The following GNAQ variants were observed in gnomAD, a reference collection of about 807,000 sequenced individuals.
GNAQ encodes the protein guanine nucleotide-binding protein G(q) subunit alpha.
In GNAQ, 8 loss-of-function variants were observed where a neutral mutation model predicts 43.9. The ratio of observed to expected loss-of-function variants is 0.18; its 90% CI spans 0.11 to 0.33. The LOEUF (loss-of-function observed/expected upper bound fraction) is 0.33. Among genes scored for constraint, GNAQ ranks in the 10% least tolerant of loss-of-function variants. The pLI is 1.00. For missense variants in GNAQ, 158 were observed against 450.8 expected (o/e 0.35, Z 5.88); for synonymous variants, 155 against 170.7 (o/e 0.91, Z 0.71).
intron 5 of GNAQ, among the ~76,000 whole-genome samples, chr9:77,760,975 C>T (rs536122121): frequency 2.0e-5 from 3 of 151,700 alleles, no homozygotes; most frequent in East Asian, 3.9e-4. Context: ...GCCTGGCAAC[C>T]GCCCCGTCTG....
intron 2 of GNAQ, among the ~76,000 whole-genome samples, chr9:77,833,733 A>C (rs1333771763): frequency 6.6e-6 from 1 of 152,154 alleles, no homozygotes; most frequent in East Asian, 1.9e-4. Context: ...CTCTCTAGGA[A>C]ATTAGTCTGG....
chr9:77,954,476 A>G (rs1168917262), intron 1 of GNAQ, among the ~76,000 whole-genome samples: 1 of 152,220 alleles, frequency 6.6e-6, no homozygotes, highest in Non-Finnish European at 1.5e-5. Context: ...TTGATGCTTG[A>G]TAAAACAGGA....
At position 78,031,141 on chromosome 9, in the gene GNAQ, T is replaced by G; in HGVS notation, c.95A>C (p.Asp32Ala). Residue 32 changes from aspartate to alanine, a missense_variant, in exon 1 of 7, where the codon GAC (aspartate) becomes GCC (alanine). By Grantham distance (126) the Asp-to-Ala change is moderately radical (BLOSUM62 -2). Coordinates refer to ENST00000286548, the MANE Select transcript of GNAQ (RefSeq NM_002072.5). ...GAGCTCCCGGCGGGCGTCCCGCTTG[T>G]CCCTGCGGAGCTGCCGCTCGATCTC... ...NDEIERQLRR[D>A]KRDARRELKL... 1.9e-6 allele frequency: 3 copies of G among 1,541,654 alleles called. No individual in the cohort carries two copies. Among genetic ancestry groups the G allele is most frequent in the Non-Finnish European group, 2.6e-6 (3 of 1,144,928 alleles).
At position 77,939,573 on chromosome 9, in the gene GNAQ, T is replaced by A. The variant is rs368187008; in HGVS notation, c.137-17228A>T. On this transcript the variant is annotated intron_variant, in intron 1 of 6. Transcript: ENST00000286548. ...TAAGTTCCCCCCTTTTCTCTCCCAA[T>A]TCATCTCCAGAAATGAATAATACAG... Among the ~76,000 whole-genome samples the A allele has an allele frequency of 6.2e-4, 95 of 152,240 alleles. 1 individual carries two copies. The South Asian group carries it at 0.019, about 30-fold the overall frequency.
At chr9:78,026,951 T>C (rs899482493) in intron 1 of GNAQ, among the ~76,000 whole-genome samples, 10 of 152,158 alleles carry the variant, frequency 6.6e-5, no homozygotes, top group Admixed American at 3.9e-4. Flanking sequence ...CTCTACAGAG[T>C]ATTAAAAATT....
Position 77,792,163 on chromosome 9 carries a change from T to C in GNAQ, c.735+2300A>G, listed in dbSNP as rs571173889. Among the ~76,000 whole-genome samples the C allele has an allele frequency of 9.8e-5, 15 of 152,294 alleles. No homozygotes were observed. In the South Asian group the frequency reaches 2.9e-3, roughly 29 times the overall value. On this transcript the variant is annotated intron_variant, in intron 5 of 6. Coordinates refer to ENST00000286548, the MANE Select transcript of GNAQ (RefSeq NM_002072.5). ...GAACAGCACTTTTCTCATGATCCCA[T>C]ACTATCATCAGGCTTGACTAGAGGT... is the stretch of plus-strand genomic sequence containing the variant.
intron 1 of GNAQ, among the ~76,000 whole-genome samples, chr9:78,029,332 A>C (rs144808511): frequency 1.7e-3 from 266 of 152,012 alleles, no homozygotes; most frequent in African/African-American, 6.1e-3. Flanking sequence ...TCTCTCTAAA[A>C]TACGTGCGTT....
intron 5 of GNAQ, among the ~76,000 whole-genome samples, chr9:77,760,820 G>A (rs1420310308): frequency 1.3e-5 from 2 of 151,088 alleles, no homozygotes; most frequent in African/African-American, 4.9e-5. Context: ...CTGCCCAGCC[G>A]CCCATCGTCT....
intron 5 of GNAQ, among the ~76,000 whole-genome samples, chr9:77,747,525 A>T (rs907783980): frequency 6.6e-6 from 1 of 152,206 alleles, no homozygotes; most frequent in Non-Finnish European, 1.5e-5. Context: ...AGCTTTAGTT[A>T]TTACCATTTT....
rs1181651753 is a variant in GNAQ, at chr9:77,769,118, C to T, written c.735+25345G>A. Among the ~76,000 whole-genome samples the T allele has an allele frequency of 2.6e-5, 4 of 152,134 alleles. No homozygotes were observed. In the East Asian group the frequency reaches 5.8e-4, roughly 22 times the overall value. ...CTAAACAACTGTTAGAAAAACAAAT[C>T]GGCCTGGTGCGGTGACTGCTGCCTG... is the stretch of plus-strand genomic sequence containing the variant. On this transcript the variant is annotated intron_variant, in intron 5 of 6. Transcript: ENST00000286548.
chr9:77,842,590 G>A (rs761354202), intron 2 of GNAQ, among the ~76,000 whole-genome samples: 5 of 152,148 alleles, frequency 3.3e-5, no homozygotes, highest in Non-Finnish European at 7.4e-5. Context: ...AGACAGAATC[G>A]TGGAGAAACA....
At chr9:77,763,193 C>CT (rs1425593877) in intron 5 of GNAQ, among the ~76,000 whole-genome samples, 1 of 148,066 alleles carries the variant, frequency 6.8e-6, no homozygotes, top group Admixed American at 6.7e-5. Context: ...CAGGAACTGG[C>CT]TGGAAAAATT....
chr9:77,787,900 C>T (rs1826508056), intron 5 of GNAQ, among the ~76,000 whole-genome samples: 2 of 152,036 alleles, frequency 1.3e-5, no homozygotes, highest in South Asian at 2.1e-4. Flanking sequence ...CATGGTGGCG[C>T]GTGCCTGTAA....
rs948550842 is a variant in GNAQ at position 77,963,140 on chromosome 9, G to C, written c.137-40795C>G. Among the ~76,000 whole-genome samples, 3 of 152,040 alleles carry C rather than the reference G, an allele frequency of 2.0e-5. No homozygotes were observed. In the South Asian group the frequency reaches 6.2e-4, roughly 32 times the overall value. On this transcript the variant is annotated intron_variant, in intron 1 of 6. Transcript: ENST00000286548. ...TATAGTGAAACTCACGTGGAAGAACGGTGAAATCACTTTGAGGACAATGCC... is the reference window on the plus strand; with the variant it reads ...TATAGTGAAACTCACGTGGAAGAACCGTGAAATCACTTTGAGGACAATGCC...
At chr9:77,895,677 T>A (rs1377346618) in intron 2 of GNAQ, among the ~76,000 whole-genome samples, 8 of 152,120 alleles carry the variant, frequency 5.3e-5, no homozygotes, top group African/African-American at 1.9e-4. Flanking sequence ...CCTGATACAG[T>A]TTGGCTCGGT....
At chr9:77,900,838 A>C (rs1828597211) in intron 2 of GNAQ, among the ~76,000 whole-genome samples, 1 of 152,054 alleles carries the variant, frequency 6.6e-6, no homozygotes, top group Non-Finnish European at 1.5e-5. Context: ...TCTTCTCAAA[A>C]CCTTAAACTT....
rs945019980 is a variant in GNAQ, at chr9:77,837,332, G to A, written c.322-21562C>T. The stretch of plus-strand genomic sequence containing the variant: ...TTTGGGAGGCCGAGGCAGGCGGATC[G>A]CCTGAGGTCAGGAGTTCAAGACCAG... On this transcript the variant is annotated intron_variant, in intron 2 of 6. Coordinates refer to ENST00000286548, the MANE Select transcript of GNAQ (RefSeq NM_002072.5). Among the ~76,000 whole-genome samples, 4 of 151,902 alleles carry A rather than the reference G, an allele frequency of 2.6e-5. No homozygotes were observed. In the South Asian group the frequency reaches 6.2e-4, roughly 24 times the overall value.
At chr9:77,859,844 C>T (rs577116607) in intron 2 of GNAQ, among the ~76,000 whole-genome samples, 68 of 152,260 alleles carry the variant, frequency 4.5e-4, no homozygotes, top group African/African-American at 1.5e-3. Context: ...CCCTACCTTA[C>T]AGTTATTCTT....
At chr9:77,950,550 A>G (rs894008420) in intron 1 of GNAQ, among the ~76,000 whole-genome samples, 1 of 152,232 alleles carries the variant, frequency 6.6e-6, no homozygotes, top group Non-Finnish European at 1.5e-5. Context: ...AAAAACAAAA[A>G]CATCTGTACT....
Sources: allele counts gnomAD v4.1 joint callset (sites outside exome capture counted in the v4.1 genomes callset), GRCh38; gene constraint gnomAD v4.1.1; transcripts MANE v1.5; gene names NCBI Gene and HGNC (gene_info 2026-07-23, HGNC 2026-07-21).